Variants in DLGAP1 observed in about 807,000 individuals in gnomAD.
DLGAP1 encodes the protein disks large-associated protein 1.
A neutral mutation model predicts 90.8 loss-of-function variants in DLGAP1; 11 were observed. The observed-to-expected ratio is 0.12, with a 90% confidence interval of 0.08 to 0.20. The LOEUF (loss-of-function observed/expected upper bound fraction) is 0.20. Among genes scored for constraint, DLGAP1 ranks in the 10% least tolerant of loss-of-function variants. The pLI is 1.00. For synonymous variants in DLGAP1, 558 were observed against 540.7 expected, an observed-to-expected ratio of 1.03 and a Z score of -0.44; for missense variants, 1,050 against 1,333.8, an observed-to-expected ratio of 0.79 and a Z score of 3.31.
At chr18:3,861,642 C>T (rs950781749) in intron 4 of DLGAP1, among the ~76,000 whole-genome samples, 16 of 152,150 alleles carry the variant, frequency 1.1e-4, no homozygotes, top group Admixed American at 1.0e-3. Flanking sequence ...TGCCCAGTGC[C>T]CCCACCCTGC....
intron 1 of DLGAP1, among the ~76,000 whole-genome samples, chr18:4,434,435 C>G (rs187894748): frequency 1.1e-4 from 17 of 152,210 alleles, no homozygotes; most frequent in African/African-American, 3.9e-4. Flanking sequence ...TCCCTAAACC[C>G]TGGTTCTCCT....
rs1599359171 is a variant in DLGAP1 at position 3,582,030 on chromosome 18, C to T, written c.1810G>A (p.Glu604Lys). ...CCATGGATCTGGGCGTTTGCAGCTTCGATGGCGGCTGTCAGAGCCTTCATA... is the reference window on the plus strand; with the variant it reads ...CCATGGATCTGGGCGTTTGCAGCTTTGATGGCGGCTGTCAGAGCCTTCATA... ...DSMKALTAAI[E>K]AANAQIHGPA... Residue 604 changes from glutamate (E) to lysine (K), a missense_variant, in exon 8 of 13, where the codon GAA (glutamate) becomes AAA (lysine). By Grantham distance (56) the Glu-to-Lys change is moderately conservative. Transcript: ENST00000315677. 2 of 1,611,852 alleles carry T rather than the reference C, an allele frequency of 1.2e-6. No homozygotes were observed. The highest frequency in any genetic ancestry group is 1.7e-6 in the Non-Finnish European group (2 of 1,179,748).
chr18:3,743,387 C>T (rs988458233), intron 5 of DLGAP1, among the ~76,000 whole-genome samples: 5 of 151,582 alleles, frequency 3.3e-5, no homozygotes, highest in African/African-American at 1.2e-4. Flanking sequence ...CGGAGTCTTG[C>T]TGTGTCACCC....
At chr18:3,632,013 G>A (rs551499794) in intron 7 of DLGAP1, among the ~76,000 whole-genome samples, 257 of 152,188 alleles carry the variant, frequency 1.7e-3, no homozygotes, top group Non-Finnish European at 3.0e-3. Context: ...TGGCTCAAGT[G>A]ATCCTCCCAC....
intron 1 of DLGAP1, among the ~76,000 whole-genome samples, chr18:4,162,748 G>A (rs1010545777): frequency 1.3e-5 from 2 of 152,052 alleles, no homozygotes; most frequent in Admixed American, 1.3e-4. Flanking sequence ...CTGGTCACAA[G>A]GTGTGGTGAC....
At chr18:3,732,874 T>C (rs990200760) in intron 6 of DLGAP1, among the ~76,000 whole-genome samples, 3 of 152,162 alleles carry the variant, frequency 2.0e-5, no homozygotes, top group Non-Finnish European at 2.9e-5. Flanking sequence ...GGGAGATATA[T>C]TGTCATTGCT....
intron 2 of DLGAP1, among the ~76,000 whole-genome samples, chr18:4,058,055 G>A (rs1042529207): frequency 1.3e-5 from 2 of 152,160 alleles, no homozygotes; most frequent in Non-Finnish European, 1.5e-5. Flanking sequence ...TCTGGGACAG[G>A]AGGCTTATGA....
intron 2 of DLGAP1, among the ~76,000 whole-genome samples, chr18:4,122,076 G>A (rs567847105): frequency 1.3e-5 from 2 of 152,280 alleles, no homozygotes; most frequent in Non-Finnish European, 2.9e-5. Flanking sequence ...CAATCATGTG[G>A]AAGTGAGCAG....
In DLGAP1 at chr18:3,561,244, C is replaced by T. The variant is rs552671798; in HGVS notation, c.2057+6246G>A. Among the ~76,000 whole-genome samples the T allele has an allele frequency of 6.6e-4, 90 of 135,582 alleles. 1 individual carries two copies. The South Asian group carries it at 0.021, about 31-fold the overall frequency. 88.9% of individuals were successfully genotyped at this position (135,582 alleles called of 152,430 possible). On this transcript the variant is annotated intron_variant, in intron 9 of 12. Transcript: ENST00000315677. ...CAGCCTGTTCAACATGGTGAAACACCGTCTCTACTAAAAAAAAAAAACAAA... is the reference window on the plus strand; with the variant it reads ...CAGCCTGTTCAACATGGTGAAACACTGTCTCTACTAAAAAAAAAAAACAAA...
At chr18:4,064,800 C>G (rs1179438420) in intron 2 of DLGAP1, among the ~76,000 whole-genome samples, 1 of 151,888 alleles carries the variant, frequency 6.6e-6, no homozygotes, top group Non-Finnish European at 1.5e-5. Context: ...AAAACTGTTC[C>G]AAAAAATTAA....
At chr18:4,093,798 C>A (rs1156633554) in intron 2 of DLGAP1, among the ~76,000 whole-genome samples, 2 of 152,062 alleles carry the variant, frequency 1.3e-5, no homozygotes, top group Admixed American at 6.6e-5. Context: ...TTTTATCTCT[C>A]TTGGTCTCAT....
At chr18:3,592,544 T>A (rs1434772091) in intron 7 of DLGAP1, among the ~76,000 whole-genome samples, 4 of 151,962 alleles carry the variant, frequency 2.6e-5, no homozygotes, top group African/African-American at 9.7e-5. Flanking sequence ...GCTAAGAACT[T>A]AATAGACATG....
chr18:4,179,174 G>C (rs1047855744), intron 1 of DLGAP1, among the ~76,000 whole-genome samples: 3 of 152,150 alleles, frequency 2.0e-5, no homozygotes, highest in African/African-American at 7.2e-5. Context: ...TATTGGATAA[G>C]TCTGTACCTC....
chr18:3,551,312 T>C (rs56287647), intron 9 of DLGAP1, among the ~76,000 whole-genome samples: 109,902 of 151,840 alleles, frequency 0.72, 41,473 homozygotes, highest in Non-Finnish European at 0.83. Flanking sequence ...AATGTAGTGG[T>C]GGTCTTGCCT....
At position 4,239,102 on chromosome 18, in the gene DLGAP1, A is replaced by G. The variant is rs1396529447; in HGVS notation, c.-266-87815T>C. Among the ~76,000 whole-genome samples the G allele has an allele frequency of 3.3e-5, 5 of 152,178 alleles. No homozygotes were observed. In the East Asian group the frequency reaches 5.8e-4, roughly 18 times the overall value. The stretch of plus-strand genomic sequence containing the variant: ...CACAACTTCAGAGAGTGCTGTTGGT[A>G]TCACAGTCTATACCGTACAGCAGCT... On this transcript the variant is annotated intron_variant, in intron 1 of 12. Coordinates refer to ENST00000315677, the MANE Select transcript of DLGAP1 (RefSeq NM_004746.4).
At chr18:4,238,104 T>C in intron 1 of DLGAP1, among the ~76,000 whole-genome samples, 1 of 152,202 alleles carries the variant, frequency 6.6e-6, no homozygotes. Context: ...TGGAGCATTT[T>C]AGATGTCAGA....
chr18:3,525,700 G>T (rs957549352), intron 10 of DLGAP1, among the ~76,000 whole-genome samples: 3 of 152,166 alleles, frequency 2.0e-5, no homozygotes, highest in African/African-American at 4.8e-5. Flanking sequence ...CGCCCCACCA[G>T]TCCATTGCAT....
intron 7 of DLGAP1, among the ~76,000 whole-genome samples, chr18:3,710,024 A>G (rs1357500692): frequency 6.6e-6 from 1 of 152,226 alleles, no homozygotes; most frequent in Non-Finnish European, 1.5e-5. Flanking sequence ...AATGAGAAGC[A>G]CATTTAAAAT....
chr18:3,749,273 C>T (rs552550227), intron 5 of DLGAP1, among the ~76,000 whole-genome samples: 5 of 151,850 alleles, frequency 3.3e-5, no homozygotes, highest in Non-Finnish European at 7.4e-5. Flanking sequence ...CTCAGCCTCC[C>T]AAGTAGCTGG....
Sources: gnomAD v4.1 joint callset for allele counts (sites outside exome capture counted in the v4.1 genomes callset) on GRCh38, gnomAD v4.1.1 for gene constraint, MANE v1.5 for transcripts, NCBI Gene and HGNC (gene_info 2026-07-23, HGNC 2026-07-21) for gene names.